Variants in TENM3 observed in about 807,000 individuals in gnomAD.
The protein encoded by TENM3 is teneurin-3.
Under a neutral mutation model 255.1 loss-of-function variants are expected in TENM3, and 63 were observed. The observed-to-expected ratio is 0.25, with a 90% CI of 0.20 to 0.30. TENM3 has a LOEUF of 0.30. TENM3 is among the 10% of genes least tolerant of loss of function. The pLI is 1.00. For missense variants in TENM3, 2,929 were observed against 3,461.1 expected, an observed-to-expected ratio of 0.85 and a Z score of 3.86; for synonymous variants, 1,306 against 1,322.3, an observed-to-expected ratio of 0.99 and a Z score of 0.27.
chr4:181,938,260 G>A, the TENM3 span, among the ~76,000 whole-genome samples: 1 of 152,118 alleles, frequency 6.6e-6, no homozygotes, highest in Non-Finnish European at 1.5e-5. Context: ...GAAAGTTAAA[G>A]TCATTTGGGG....
the TENM3 span, among the ~76,000 whole-genome samples, chr4:181,641,552 GTGTA>G: frequency 0.01 from 220 of 21,686 alleles, 10 homozygotes; most frequent in African/African-American, 0.017. Flanking sequence ...CATGGTGTGT[GTGTA>G]TATATATATA....
At chr4:182,480,305 G>T (rs375080025) in intron 3 of TENM3, among the ~76,000 whole-genome samples, 2 of 151,978 alleles carry the variant, frequency 1.3e-5, no homozygotes, top group South Asian at 2.1e-4. Flanking sequence ...CAGTAATTTA[G>T]CAAGATATCT....
At chr4:182,012,245 G>A in the TENM3 span, among the ~76,000 whole-genome samples, 37 of 152,076 alleles carry the variant, frequency 2.4e-4, no homozygotes, top group African/African-American at 8.7e-4. Flanking sequence ...TAGAACAATC[G>A]CCCTGGCCTT....
the TENM3 span, among the ~76,000 whole-genome samples, chr4:181,495,526 G>A: frequency 6.7e-6 from 1 of 149,354 alleles, no homozygotes; most frequent in Non-Finnish European, 1.5e-5. Context: ...AGCTCCTTAG[G>A]ACAGGTCTTT....
intron 1 of TENM3, among the ~76,000 whole-genome samples, chr4:182,146,279 A>C (rs72693845): frequency 0.045 from 6,822 of 152,302 alleles, 220 homozygotes; most frequent in South Asian, 0.1. Flanking sequence ...CTTAATATAT[A>C]AAATTCTTGT....
At chr4:181,747,326 AT>A in the TENM3 span, among the ~76,000 whole-genome samples, 1 of 152,038 alleles carries the variant, frequency 6.6e-6, no homozygotes, top group Non-Finnish European at 1.5e-5. Flanking sequence ...CCTTTCTTAA[AT>A]TTTTTGTACT....
the TENM3 span, among the ~76,000 whole-genome samples, chr4:181,644,137 G>C: frequency 6.7e-6 from 1 of 148,552 alleles, no homozygotes; most frequent in Non-Finnish European, 1.5e-5. Flanking sequence ...CAAAGACAAA[G>C]AGGCTAGAAT....
At chr4:182,004,543 A>G in the TENM3 span, among the ~76,000 whole-genome samples, 2 of 152,136 alleles carry the variant, frequency 1.3e-5, no homozygotes, top group Non-Finnish European at 2.9e-5. Context: ...ATACGTGTGC[A>G]TGTGTCTTTA....
At chr4:181,592,391 C>A in the TENM3 span, among the ~76,000 whole-genome samples, 1 of 150,392 alleles carries the variant, frequency 6.6e-6, no homozygotes, top group Non-Finnish European at 1.5e-5. Flanking sequence ...TGGAATGTAC[C>A]CACAATTTAC....
rs1218699176 is a variant in TENM3, at chr4:182,296,217, C to T, written c.-75-27729C>T. On this transcript the variant is annotated intron_variant, in intron 1 of 27. Transcript: ENST00000511685. ...ACCTCAGATGATTCGCCCACCTTGG[C>T]CTCCCAAAGTGCTGGGATTACAGGC... 4.6e-5 allele frequency among the ~76,000 whole-genome samples: 7 copies of T among 152,252 alleles called. No homozygotes were observed. In the East Asian group the frequency reaches 9.7e-4, roughly 21 times the overall value.
chr4:181,891,125 C>T, the TENM3 span, among the ~76,000 whole-genome samples: 1 of 152,128 alleles, frequency 6.6e-6, no homozygotes, highest in East Asian at 1.9e-4. Flanking sequence ...GTTACTGGAA[C>T]ATTAAGTAGG....
chr4:182,326,367 G>C (rs1763410689), intron 2 of TENM3, among the ~76,000 whole-genome samples: 1 of 152,222 alleles, frequency 6.6e-6, no homozygotes, highest in South Asian at 2.1e-4. Context: ...GTTTGGAGAG[G>C]CTGGAGACCC....
At chr4:181,883,907 T>C in the TENM3 span, among the ~76,000 whole-genome samples, 2 of 152,212 alleles carry the variant, frequency 1.3e-5, no homozygotes, top group Non-Finnish European at 2.9e-5. Flanking sequence ...TGTTTGAGCT[T>C]TCTGGTTGCC....
intron 1 of TENM3, among the ~76,000 whole-genome samples, chr4:182,199,406 G>T (rs1032129218): frequency 7.9e-5 from 12 of 151,966 alleles, no homozygotes; most frequent in African/African-American, 2.7e-4. Context: ...TGGGCAACAG[G>T]GCCAGACTCC....
In TENM3 at chr4:182,774,940, G is replaced by A; in HGVS notation, c.5091G>A (p.Gln1697=). ...TAGATCAGTTAAGAAACAGCTACCA[G>A]ATTGGTTATGACGGCTCCCTCAGAA... ...MVQDQLRNSY[Q]IGYDGSLRII... Residue 1697 remains glutamine, a synonymous_variant, in exon 24 of 28, where the codon CAG becomes CAA. Coordinates refer to ENST00000511685, the MANE Select transcript of TENM3 (RefSeq NM_001080477.4). 6.2e-7 allele frequency: 1 copy of A among 1,613,270 alleles called. No individual in the cohort carries two copies. The highest frequency in any genetic ancestry group is 8.5e-7 in the Non-Finnish European group (1 of 1,179,466).
the TENM3 span, among the ~76,000 whole-genome samples, chr4:181,698,055 A>G: frequency 6.6e-6 from 1 of 152,002 alleles, no homozygotes; most frequent in Non-Finnish European, 1.5e-5. Flanking sequence ...TCTACTAAAA[A>G]TACAAAAAAT....
chr4:181,902,472 C>T, the TENM3 span, among the ~76,000 whole-genome samples: 3 of 152,088 alleles, frequency 2.0e-5, no homozygotes, highest in East Asian at 3.9e-4. Context: ...CACATGCACG[C>T]GTATGTTTAT....
chr4:182,361,164 T>G (rs1471109213), intron 3 of TENM3, among the ~76,000 whole-genome samples: 1 of 152,136 alleles, frequency 6.6e-6, no homozygotes, highest in Non-Finnish European at 1.5e-5. Flanking sequence ...ATTTTTTCCT[T>G]CATTTCAACT....
chr4:182,616,077 A>G (rs1033088672), intron 4 of TENM3, among the ~76,000 whole-genome samples: 1 of 152,204 alleles, frequency 6.6e-6, no homozygotes, highest in Non-Finnish European at 1.5e-5. Context: ...GATGTAAGCT[A>G]AAGTTTGAAA....
Sources: allele counts gnomAD v4.1 joint callset (sites outside exome capture counted in the v4.1 genomes callset), GRCh38; gene constraint gnomAD v4.1.1; transcripts MANE v1.5; gene names NCBI Gene and HGNC (gene_info 2026-07-23, HGNC 2026-07-21).